PCDHGB4: variants seen among roughly 807,000 people sequenced by gnomAD.
The protein encoded by PCDHGB4 is protocadherin gamma subfamily B, 4, also known as protocadherin gamma-B4.
A neutral mutation model predicts 60.5 loss-of-function variants in PCDHGB4; 38 were observed. The observed-to-expected ratio is 0.63, with a 90% confidence interval of 0.48 to 0.82. The LOEUF (loss-of-function observed/expected upper bound fraction) is 0.82, where lower values mean the gene tolerates loss of function less well. PCDHGB4 is among the 40% of genes least tolerant of loss of function. PCDHGB4 has a pLI of 0.00. For synonymous variants in PCDHGB4, 456 were observed against 509.7 expected, an observed-to-expected ratio of 0.89 and a Z score of 1.42; for missense variants, 1,109 against 1,209.6, an observed-to-expected ratio of 0.92 and a Z score of 1.23.
chr5:141,483,892 A>C (rs1463395859), intron 1 of PCDHGB4, among the ~76,000 whole-genome samples: 1 of 151,652 alleles, frequency 6.6e-6, no homozygotes, highest in Non-Finnish European at 1.5e-5. Flanking sequence ...TATTTCTCTG[A>C]GCTCTGGTGT....
rs530963064 is a variant in PCDHGB4, at chr5:141,404,506, C to G, written c.2397+14225C>G. ...ACACTGGTGTGCTGTATGCTCTGTG[C>G]TCCTTTGACTATGAGCAGTTTAGAG... is the stretch of plus-strand genomic sequence containing the variant. On this transcript the variant is annotated intron_variant, in intron 1 of 3. Coordinates refer to ENST00000519479, the MANE Select transcript of PCDHGB4 (RefSeq NM_003736.4). The G allele has an allele frequency of 3.2e-5, 52 of 1,613,814 alleles. No individual in the cohort carries two copies. Among genetic ancestry groups the G allele is most frequent in the Non-Finnish European group, 4.3e-5 (51 of 1,179,838 alleles).
chr5:141,443,781 CA>C (rs1227271563), intron 1 of PCDHGB4, among the ~76,000 whole-genome samples: 2 of 150,514 alleles, frequency 1.3e-5, no homozygotes, highest in African/African-American at 2.4e-5. Flanking sequence ...ACCAAAAAGA[CA>C]AAAAAAATGA....
chr5:141,466,885 G>A (rs997982577), intron 1 of PCDHGB4, among the ~76,000 whole-genome samples: 3 of 151,938 alleles, frequency 2.0e-5, no homozygotes, highest in Non-Finnish European at 4.4e-5. Context: ...TTCATAATAT[G>A]CATTTTCCAT....
At position 141,388,443 on chromosome 5, in the gene PCDHGB4, G is replaced by A. The variant is rs1242973473; in HGVS notation, c.559G>A (p.Asp187Asn). Residue 187 changes from aspartate to asparagine, a missense_variant, in exon 1 of 4, where the codon GAT becomes AAT. This residue lies in a region of PCDHGB4 where 1,068 missense variants were observed against 1,089.9 expected (regional missense o/e 0.98). Transcript: ENST00000519479. ...CTCACTGATAAATAAAGAGAAATCA[G>A]ATGGCAGTAAATACCCTGAGATGGT... Reference protein sequence around the residue: ...HFSLINKEKSDGSKYPEMVLK... With the variant: ...HFSLINKEKSNGSKYPEMVLK... 8 of 1,613,872 alleles carry A rather than the reference G, an allele frequency of 5.0e-6. No homozygotes were observed. Among genetic ancestry groups the A allele is most frequent in the Non-Finnish European group, 6.8e-6 (8 of 1,179,886 alleles).
At chr5:141,508,440 T>C (rs2099868879) in intron 3 of PCDHGB4, among the ~76,000 whole-genome samples, 1 of 152,186 alleles carries the variant, frequency 6.6e-6, no homozygotes, top group African/African-American at 2.4e-5. Context: ...CACAGTTCCT[T>C]AGTGGCAGAG....
In PCDHGB4 at chr5:141,389,981, G is replaced by T. The variant is rs750738084; in HGVS notation, c.2097G>T (p.Val699=). The change falls in exon 1 of 4, where the codon GTG becomes GTT. Residue 699 remains valine, a synonymous_variant. Transcript: ENST00000519479. ...TGGTGGCCTTGGCCTTGATCTCAGT[G>T]CTCTTCCTCGTGGCCATGATTCTGG... ...YLVVALALIS[V]LFLVAMILAI... The T allele has an allele frequency of 2.5e-6, 4 of 1,614,006 alleles. No homozygotes were observed. The South Asian group carries it at 4.4e-5, about 18-fold the overall frequency.
chr5:141,475,741 G>C (rs1455125695), intron 1 of PCDHGB4, among the ~76,000 whole-genome samples: 1 of 152,268 alleles, frequency 6.6e-6, no homozygotes, highest in Non-Finnish European at 1.5e-5. Flanking sequence ...CCCTAAGGTA[G>C]GTTTCCTATG....
chr5:141,462,202 C>T (rs188546035), intron 1 of PCDHGB4, among the ~76,000 whole-genome samples: 1,522 of 152,002 alleles, frequency 0.01, 33 homozygotes, highest in African/African-American at 0.034. Flanking sequence ...TCAGGTGATC[C>T]GCCTGCCTCG....
chr5:141,415,067 G>A, intron 1 of PCDHGB4: 1 of 1,613,398 alleles, frequency 6.2e-7, no homozygotes, highest in Non-Finnish European at 8.5e-7. Context: ...GGCGAGGTGC[G>A]CACGGCGCGA....
Position 141,476,512 on chromosome 5 carries a change from T to C in PCDHGB4, c.2398-18295T>C, listed in dbSNP as rs1171240377. ...TGATCCAGGACATCAACGACAACAA[T>C]CCTGCTTTCCCTACCCAGGAAATGA... On this transcript the variant is annotated intron_variant, in intron 1 of 3. Transcript: ENST00000519479. This position sits in a 1 kb window ranked among gnomAD's most constrained non-coding sequence, Gnocchi z 7.6. The C allele has an allele frequency of 6.2e-7, 1 of 1,613,642 alleles. No homozygotes were observed. Among genetic ancestry groups the C allele is most frequent in the Non-Finnish European group, 8.5e-7 (1 of 1,179,940 alleles).
intron 1 of PCDHGB4, among the ~76,000 whole-genome samples, chr5:141,401,937 T>A (rs531669581): frequency 2.6e-5 from 4 of 152,356 alleles, no homozygotes; most frequent in African/African-American, 7.2e-5. Flanking sequence ...TAGAATAATG[T>A]TTAAGACCAC....
intron 2 of PCDHGB4, 22 bp from the exon 3 acceptor site, chr5:141,505,371 C>G: frequency 1.2e-6 from 2 of 1,613,980 alleles, no homozygotes; most frequent in Non-Finnish European, 1.7e-6. Context: ...AGTCTGTGCT[C>G]ACCATCCTAC....
chr5:141,457,944 C>A (rs761151349), intron 1 of PCDHGB4, among the ~76,000 whole-genome samples: 33 of 152,310 alleles, frequency 2.2e-4, no homozygotes, highest in Non-Finnish European at 4.6e-4. Context: ...ATTGGCTCTG[C>A]ATGTCAAGCT....
rs528069305 is a variant in PCDHGB4, at chr5:141,457,143, T to A, written c.2398-37664T>A. Among the ~76,000 whole-genome samples the A allele has an allele frequency of 5.3e-5, 8 of 152,334 alleles. No homozygotes were observed. In the South Asian group the frequency reaches 1.5e-3, roughly 28 times the overall value. On this transcript the variant is annotated intron_variant, in intron 1 of 3. Transcript: ENST00000519479. ...ATGGAAACTCTGTCCAATATTTCAG[T>A]TAGAAGGTGCTACCATGGATAACCC...
chr5:141,422,828 T>C (rs1273420440), intron 1 of PCDHGB4: 2 of 1,614,232 alleles, frequency 1.2e-6, no homozygotes, highest in East Asian at 4.5e-5. Context: ...CTGAGAGTGA[T>C]AGCACGTGAC....
intron 3 of PCDHGB4, among the ~76,000 whole-genome samples, chr5:141,506,032 G>A (rs994735467): frequency 5.9e-5 from 9 of 152,166 alleles, no homozygotes; most frequent in Non-Finnish European, 1.0e-4. Context: ...TCCAGAGTAG[G>A]ATTCTGGTTT....
At chr5:141,455,289 A>G (rs1592356100) in intron 1 of PCDHGB4, among the ~76,000 whole-genome samples, 2 of 152,192 alleles carry the variant, frequency 1.3e-5, no homozygotes, top group East Asian at 3.9e-4. Context: ...ATCACTTTAC[A>G]TAGTTTCATC....
At chr5:141,503,396 A>G (rs1025780031) in intron 2 of PCDHGB4, among the ~76,000 whole-genome samples, 2 of 151,944 alleles carry the variant, frequency 1.3e-5, no homozygotes, top group African/African-American at 2.4e-5. Flanking sequence ...GGAGTTCGAA[A>G]CCAACCTGGC....
intron 1 of PCDHGB4, among the ~76,000 whole-genome samples, chr5:141,460,934 G>GTA (rs2099001529): frequency 2.7e-5 from 4 of 149,622 alleles, no homozygotes; most frequent in African/African-American, 9.9e-5. Context: ...ATGTGTGTGT[G>GTA]TATATATATG....
Sources: gnomAD v4.1 joint callset for allele counts (sites outside exome capture counted in the v4.1 genomes callset) on GRCh38, gnomAD v4.1.1 for gene constraint, gnomAD v4.1.1 regional missense constraint, Gnocchi (gnomAD v3.1) non-coding constraint, MANE v1.5 for transcripts, NCBI Gene and HGNC (gene_info 2026-07-23, HGNC 2026-07-21) for gene names.